AKAP19: variants seen among roughly 807,000 people sequenced by gnomAD.
AKAP19 encodes A-kinase anchoring protein 19.
At chr2:189,941,146 A>G in the AKAP19 span, among the ~76,000 whole-genome samples, 1 of 152,202 alleles carries the variant, frequency 6.6e-6, no homozygotes, top group Non-Finnish European at 1.5e-5. Context: ...TTTTCCTTCA[A>G]TTATAAAGGA....
chr2:190,140,168 A>G, the AKAP19 span, among the ~76,000 whole-genome samples: 1 of 152,166 alleles, frequency 6.6e-6, no homozygotes. Flanking sequence ...GTGAGTTCCC[A>G]TGGTCTTGGT....
the AKAP19 span, among the ~76,000 whole-genome samples, chr2:190,115,064 A>C: frequency 6.7e-6 from 1 of 149,706 alleles, no homozygotes; most frequent in East Asian, 2.0e-4. Flanking sequence ...TTGGTTAATG[A>C]CATTTACCTG....
chr2:189,918,942 C>T, the AKAP19 span, among the ~76,000 whole-genome samples: 2 of 152,322 alleles, frequency 1.3e-5, no homozygotes, highest in South Asian at 2.1e-4. Context: ...CATAGTCCCC[C>T]CTTATCCACA....
chr2:190,151,292 C>T, the AKAP19 span, among the ~76,000 whole-genome samples: 1 of 152,134 alleles, frequency 6.6e-6, no homozygotes, highest in African/African-American at 2.4e-5. Context: ...TGGTGGTTTG[C>T]TGCACCTACC....
At chr2:189,945,096 CT>C in the AKAP19 span, among the ~76,000 whole-genome samples, 1 of 151,900 alleles carries the variant, frequency 6.6e-6, no homozygotes, top group Non-Finnish European at 1.5e-5. Context: ...AAAAGTAGTA[CT>C]AAGAGGGAAG....
the AKAP19 span, among the ~76,000 whole-genome samples, chr2:190,194,670 TTGTC>T: frequency 1.3e-5 from 2 of 152,190 alleles, no homozygotes; most frequent in Non-Finnish European, 2.9e-5. Flanking sequence ...GCCTTAAAAA[TTGTC>T]TGTTCCACCT....
At chr2:190,158,462 C>T in the AKAP19 span, among the ~76,000 whole-genome samples, 3 of 152,140 alleles carry the variant, frequency 2.0e-5, no homozygotes, top group Admixed American at 6.5e-5. Flanking sequence ...CAGTGTGTTT[C>T]ACCTATTGAA....
chr2:189,899,663 G>C, the AKAP19 span, among the ~76,000 whole-genome samples: 1 of 151,948 alleles, frequency 6.6e-6, no homozygotes, highest in African/African-American at 2.4e-5. Flanking sequence ...TCCTTCATTT[G>C]GCTGTTGCCC....
At chr2:190,102,510 T>G in the AKAP19 span, among the ~76,000 whole-genome samples, 1 of 151,932 alleles carries the variant, frequency 6.6e-6, no homozygotes, top group African/African-American at 2.4e-5. Flanking sequence ...GACATTACAA[T>G]TGAGCCTACA....
chr2:190,031,660 A>G, the AKAP19 span, among the ~76,000 whole-genome samples: 1 of 152,216 alleles, frequency 6.6e-6, no homozygotes, highest in Non-Finnish European at 1.5e-5. Flanking sequence ...CTTAACTTCA[A>G]CACCTTAGAA....
At chr2:190,022,631 C>A in the AKAP19 span, among the ~76,000 whole-genome samples, 1 of 152,062 alleles carries the variant, frequency 6.6e-6, no homozygotes, top group Non-Finnish European at 1.5e-5. Flanking sequence ...TGAACTTGGG[C>A]AAGCTGTTAC....
At chr2:189,962,406 G>C in the AKAP19 span, among the ~76,000 whole-genome samples, 1 of 152,084 alleles carries the variant, frequency 6.6e-6, no homozygotes, top group African/African-American at 2.4e-5. Context: ...GGCTATATAT[G>C]AATATGTTAC....
At chr2:190,183,326 G>A in the AKAP19 span, among the ~76,000 whole-genome samples, 1 of 152,142 alleles carries the variant, frequency 6.6e-6, no homozygotes, top group African/African-American at 2.4e-5. Flanking sequence ...GCTGGACTCA[G>A]CCCTTTCTTA....
the AKAP19 span, among the ~76,000 whole-genome samples, chr2:189,903,443 T>C: frequency 6.6e-6 from 1 of 152,020 alleles, no homozygotes; most frequent in African/African-American, 2.4e-5. Flanking sequence ...GGATTAAATT[T>C]TTTTCATTGT....
At chr2:189,899,623 A>T in the AKAP19 span, among the ~76,000 whole-genome samples, 6 of 152,160 alleles carry the variant, frequency 3.9e-5, no homozygotes, top group Admixed American at 3.9e-4. Context: ...CAAACAGTGT[A>T]TGAATGTGCA....
At chr2:189,978,043 T>G in the AKAP19 span, among the ~76,000 whole-genome samples, 2 of 152,196 alleles carry the variant, frequency 1.3e-5, no homozygotes, top group Non-Finnish European at 2.9e-5. Context: ...CTGATCATGT[T>G]TAAGGTGGGC....
the AKAP19 span, among the ~76,000 whole-genome samples, chr2:190,102,518 A>G: frequency 7.1e-4 from 108 of 151,996 alleles, no homozygotes; most frequent in East Asian, 0.02. Context: ...AATTGAGCCT[A>G]CAGAAATACA....
chr2:189,978,264 C>A, the AKAP19 span, among the ~76,000 whole-genome samples: 1 of 152,108 alleles, frequency 6.6e-6, no homozygotes, highest in South Asian at 2.1e-4. Context: ...CTTTTGGAGT[C>A]CCCTGTTTTT....
At chr2:190,029,376 A>T in the AKAP19 span, among the ~76,000 whole-genome samples, 1 of 152,108 alleles carries the variant, frequency 6.6e-6, no homozygotes, top group Non-Finnish European at 1.5e-5. Flanking sequence ...TTATGGCAGC[A>T]TTCATTATAT....
Sources: allele counts gnomAD v4.1 joint callset (sites outside exome capture counted in the v4.1 genomes callset), GRCh38; gene constraint gnomAD v4.1.1; transcripts MANE v1.5; gene names NCBI Gene and HGNC (gene_info 2026-07-23, HGNC 2026-07-21).